Variants in FREM2 observed in about 807,000 individuals in gnomAD.
The protein encoded by FREM2 is FRAS1-related extracellular matrix protein 2.
FREM2 carries 119 observed loss-of-function variants against 219.9 expected under a neutral mutation model. The ratio of observed to expected loss-of-function variants is 0.54; its 90% confidence interval spans 0.47 to 0.63. FREM2 has a LOEUF of 0.63. Ranked by LOEUF, FREM2 falls within the 30% of genes least tolerant of loss-of-function variation. The probability of loss-of-function intolerance (pLI) is 0.00; values close to 1 mark genes in which losing one functional copy is unlikely to be tolerated. For synonymous variants in FREM2, 1,562 were observed against 1,522.8 expected (o/e 1.03, Z -0.60); for missense variants, 4,030 against 3,993.6 (o/e 1.01, Z -0.25).
intron 9 of FREM2, among the ~76,000 whole-genome samples, chr13:38,850,468 A>T (rs1877329657): frequency 6.6e-6 from 1 of 152,212 alleles, no homozygotes; most frequent in African/African-American, 2.4e-5. Context: ...TTCAAAACTT[A>T]TTCAGTGGAC....
At chr13:38,713,513 T>C (rs1168475152) in intron 2 of FREM2, among the ~76,000 whole-genome samples, 1 of 152,222 alleles carries the variant, frequency 6.6e-6, no homozygotes, top group Non-Finnish European at 1.5e-5. Flanking sequence ...TATCTACTGA[T>C]TAGATTGTGT....
rs190756052 is a variant in FREM2 at position 38,759,454 on chromosome 13, A to G, written c.5264-4850A>G. Reference sequence around the variant, plus strand: ...GTTTGGTATTCTTTGTTATTCTAAAAAAAAAAAAAAACGACTGAGTTTGAA... The same window carrying G: ...GTTTGGTATTCTTTGTTATTCTAAAGAAAAAAAAAAACGACTGAGTTTGAA... On this transcript the variant is annotated intron_variant, in intron 2 of 23. Transcript: ENST00000280481. 4.3e-3 allele frequency among the ~76,000 whole-genome samples: 654 copies of G among 152,114 alleles called. 6 individuals are homozygous for G. Among genetic ancestry groups the G allele is most frequent in the African/African-American group, 0.015 (621 of 41,512 alleles).
At chr13:38,756,811 GATTACCGGCGTGA>G (rs1169628511) in intron 2 of FREM2, among the ~76,000 whole-genome samples, 5 of 151,690 alleles carry the variant, frequency 3.3e-5, no homozygotes, top group African/African-American at 1.2e-4. Context: ...AAAGTGCTGG[GATTACCGGCGTGA>G]ACCACCATGC....
chr13:38,722,760 T>TC (rs1555263391), intron 2 of FREM2, among the ~76,000 whole-genome samples: 1 of 151,466 alleles, frequency 6.6e-6, no homozygotes, highest in Non-Finnish European at 1.5e-5. Flanking sequence ...TTTTTTTTTT[T>TC]CATCCTACTG....
rs1877552670 is a variant in FREM2 at position 38,856,192 on chromosome 13, G to A, written c.6992G>A (p.Arg2331Lys). 3.1e-6 allele frequency: 5 copies of A among 1,612,158 alleles called. No individual in the cohort carries two copies. The highest frequency in any genetic ancestry group is 1.3e-5 in the African/African-American group (1 of 74,874). Reference protein sequence around the residue: ...VEIEVTFDGVREMREAFTVHL... With the variant: ...VEIEVTFDGVKEMREAFTVHL... ...ATCGAAGTTACCTTTGACGGGGTGA[G>A]AGAGATGAGAGAGGCCTTCACTGTT... The change falls in exon 12 of 24, where the codon AGA becomes AAA. Residue 2331 changes from arginine to lysine, a missense_variant. Physicochemically the swap from Arg to Lys is conservative, Grantham distance 26 (BLOSUM62 2). Coordinates refer to ENST00000280481, the MANE Select transcript of FREM2 (RefSeq NM_207361.6).
chr13:38,856,548 T>C (rs1163483177), intron 12 of FREM2, among the ~76,000 whole-genome samples: 1 of 152,114 alleles, frequency 6.6e-6, no homozygotes, highest in Non-Finnish European at 1.5e-5. Context: ...TAATGATTCA[T>C]TGACCTTGGG....
At chr13:38,751,853 T>G (rs1367711319) in intron 2 of FREM2, among the ~76,000 whole-genome samples, 2 of 128,954 alleles carry the variant, frequency 1.6e-5, no homozygotes, top group Non-Finnish European at 3.4e-5. Context: ...CAACTTGTTT[T>G]TGTACTTACT....
chr13:38,712,152 C>T (rs555225770), intron 2 of FREM2, among the ~76,000 whole-genome samples: 1 of 151,994 alleles, frequency 6.6e-6, no homozygotes, highest in African/African-American at 2.4e-5. Context: ...CCTCGGCCCC[C>T]CAAAGTGCTG....
rs750219962 is a variant in FREM2 at position 38,688,481 on chromosome 13, C to T, written c.1137C>T (p.Pro379=). The T allele has an allele frequency of 6.2e-7, 1 of 1,614,156 alleles. No individual in the cohort carries two copies. Among genetic ancestry groups the T allele is most frequent in the Non-Finnish European group, 8.5e-7 (1 of 1,180,022 alleles). The change falls in exon 1 of 24, where the codon CCC becomes CCT. Residue 379 remains proline (P), a synonymous_variant. Transcript: ENST00000280481. ...TGAGCACCGATGATCGCAGCCTGCC[C>T]CTTTCCTCCTTCACTCAGAGGGATC... ...YLVSTDDRSL[P]LSSFTQRDLR...
At chr13:38,744,979 AC>A (rs1354282543) in intron 2 of FREM2, among the ~76,000 whole-genome samples, 2 of 152,194 alleles carry the variant, frequency 1.3e-5, no homozygotes, top group Non-Finnish European at 2.9e-5. Flanking sequence ...TCACTGAATC[AC>A]CTGTTTTGCA....
intron 6 of FREM2, among the ~76,000 whole-genome samples, chr13:38,815,292 G>A (rs943614600): frequency 1.3e-5 from 2 of 152,038 alleles, no homozygotes; most frequent in South Asian, 2.1e-4. Context: ...CAGGCATTTT[G>A]TACATGCCTT....
chr13:38,831,599 A>G (rs775551235), intron 6 of FREM2, among the ~76,000 whole-genome samples: 1 of 135,114 alleles, frequency 7.4e-6, no homozygotes, highest in Non-Finnish European at 1.5e-5. Context: ...CTTTTTATAT[A>G]CATTTTAACT....
intron 11 of FREM2, among the ~76,000 whole-genome samples, chr13:38,853,795 A>G (rs1877462591): frequency 6.6e-6 from 1 of 152,218 alleles, no homozygotes; most frequent in Admixed American, 6.5e-5. Flanking sequence ...GAATTATAAA[A>G]TATTAAATGT....
At position 38,737,617 on chromosome 13, in the gene FREM2, C is replaced by G. The variant is rs1593375490; in HGVS notation, c.5264-26687C>G. 2.0e-5 allele frequency among the ~76,000 whole-genome samples: 3 copies of G among 152,154 alleles called. No homozygotes were observed. In the East Asian group the frequency reaches 5.8e-4, roughly 29 times the overall value. On this transcript the variant is annotated intron_variant, in intron 2 of 23. Transcript: ENST00000280481. ...CAGCAGTGAAGGAAACAGCCTAGAT[C>G]AGTGCTCAGTATGTGATAGATGAGA...
At chr13:38,732,331 G>A (rs975011887) in intron 2 of FREM2, among the ~76,000 whole-genome samples, 5 of 152,148 alleles carry the variant, frequency 3.3e-5, no homozygotes, top group African/African-American at 1.2e-4. Context: ...GACTTCACTA[G>A]TCTATGGGTG....
At chr13:38,776,970 C>A (rs1189626159) in intron 4 of FREM2, among the ~76,000 whole-genome samples, 1 of 151,988 alleles carries the variant, frequency 6.6e-6, no homozygotes, top group Non-Finnish European at 1.5e-5. Context: ...TTCACAAAGA[C>A]AGCAGCAGTT....
intron 2 of FREM2, among the ~76,000 whole-genome samples, chr13:38,718,637 T>A (rs1871102594): frequency 1.3e-5 from 2 of 151,646 alleles, no homozygotes; most frequent in Non-Finnish European, 2.9e-5. Flanking sequence ...TACCAGTTTC[T>A]CCCTCTCTCT....
At position 38,885,605 on chromosome 13, in the gene FREM2, T is replaced by C. The variant is rs540509203; in HGVS notation, c.*4818T>C. 6.6e-6 allele frequency: 1 copy of C among 152,284 alleles called. No homozygotes were observed. The highest frequency in any genetic ancestry group is 1.9e-4 in the East Asian group (1 of 5,186). The allele number at this position is 152,284 out of a possible 1,614,324, so 9.4% of individuals were successfully genotyped here. On this transcript the variant is annotated 3_prime_UTR_variant, in exon 24 of 24. Transcript: ENST00000280481. Reference sequence around the variant, plus strand: ...ATTTCAAAACCATTACCACTTTCAATATGTAATTAACATCCTCATTCATCA... The same window carrying C: ...ATTTCAAAACCATTACCACTTTCAACATGTAATTAACATCCTCATTCATCA...
chr13:38,801,123 T>C (rs1874991028), intron 6 of FREM2, among the ~76,000 whole-genome samples: 1 of 152,246 alleles, frequency 6.6e-6, no homozygotes. Flanking sequence ...ATCTACTCTA[T>C]TGTTGAAACT....
Sources: allele counts gnomAD v4.1 joint callset (sites outside exome capture counted in the v4.1 genomes callset), GRCh38; gene constraint gnomAD v4.1.1; transcripts MANE v1.5; gene names NCBI Gene and HGNC (gene_info 2026-07-23, HGNC 2026-07-21).